JAZF1: variants seen among roughly 807,000 people sequenced by gnomAD.
JAZF1 encodes juxtaposed with another zinc finger protein 1.
A neutral mutation model predicts 26.4 loss-of-function variants in JAZF1; 8 were observed. The ratio of observed to expected loss-of-function variants is 0.30; its 90% CI spans 0.18 to 0.55. The LOEUF (loss-of-function observed/expected upper bound fraction) is 0.55, where lower values mean the gene tolerates loss of function less well. Among genes scored for constraint, JAZF1 ranks in the 20% least tolerant of loss-of-function variants. JAZF1 has a pLI of 0.94. For missense variants in JAZF1, 199 were observed against 322.0 expected, an observed-to-expected ratio of 0.62 and a Z score of 2.92; for synonymous variants, 126 against 122.3, an observed-to-expected ratio of 1.03 and a Z score of -0.20.
intron 1 of JAZF1, among the ~76,000 whole-genome samples, chr7:28,166,785 G>C (rs1783375352): frequency 6.6e-6 from 1 of 152,146 alleles, no homozygotes; most frequent in Non-Finnish European, 1.5e-5. Context: ...TTTGTGTGTG[G>C]AATGTTTTAA....
rs1371127756 is a variant in JAZF1 at position 28,035,417 on chromosome 7, T to A, written c.116-43436A>T. Among the ~76,000 whole-genome samples, 5 of 143,382 alleles carry A rather than the reference T, an allele frequency of 3.5e-5. No individual in the cohort carries two copies. In the East Asian group the frequency reaches 1.0e-3, roughly 29 times the overall value. 94.1% of individuals were successfully genotyped at this position (143,382 alleles called of 152,430 possible). On this transcript the variant is annotated intron_variant, in intron 1 of 4. Coordinates refer to ENST00000283928, the MANE Select transcript of JAZF1 (RefSeq NM_175061.4). ...CAGTGTGGCATTAATCTCAAGTAAG[T>A]AAAAAAAACAGGAAAAGAATGAGAA... is the stretch of plus-strand genomic sequence containing the variant.
chr7:27,999,925 C>T (rs1344588010), intron 1 of JAZF1, among the ~76,000 whole-genome samples: 1 of 152,114 alleles, frequency 6.6e-6, no homozygotes, highest in African/African-American at 2.4e-5. Flanking sequence ...GTTCAGAGGG[C>T]TATAAAATGA....
intron 1 of JAZF1, among the ~76,000 whole-genome samples, chr7:28,113,689 G>A (rs1784698042): frequency 6.6e-6 from 1 of 152,190 alleles, no homozygotes; most frequent in Admixed American, 6.5e-5. Flanking sequence ...AAGATGTGAA[G>A]TAGCTTGCGA....
chr7:28,014,427 C>A (rs562076198), intron 1 of JAZF1, among the ~76,000 whole-genome samples: 1 of 152,112 alleles, frequency 6.6e-6, no homozygotes, highest in Non-Finnish European at 1.5e-5. Context: ...TGTTGTGGGA[C>A]GGACCTGGTG....
At chr7:27,923,818 T>C (rs10951187) in intron 2 of JAZF1, among the ~76,000 whole-genome samples, 145,475 of 152,284 alleles carry the variant, frequency 0.96, 69,580 homozygotes, top group East Asian at 1. Flanking sequence ...CTGAGAAAGG[T>C]CTGAACCAAT....
At chr7:27,986,646 CCCCTCT>C (rs766653989) in intron 2 of JAZF1, among the ~76,000 whole-genome samples, 5 of 87,168 alleles carry the variant, frequency 5.7e-5, no homozygotes, top group African/African-American at 1.2e-4. Flanking sequence ...CCTCCCCCTC[CCCCTCT>C]CCCTCCCTCT....
intron 2 of JAZF1, among the ~76,000 whole-genome samples, chr7:27,898,219 T>A (rs1399582060): frequency 6.7e-6 from 1 of 149,762 alleles, no homozygotes; most frequent in East Asian, 2.0e-4. Flanking sequence ...AGGGTGCATA[T>A]CCAGTGTAAG....
intron 1 of JAZF1, among the ~76,000 whole-genome samples, chr7:28,049,089 CTCTT>C (rs56247770): frequency 4.8e-5 from 6 of 126,098 alleles, no homozygotes; most frequent in East Asian, 3.3e-4. Flanking sequence ...CTCTCTCTCT[CTCTT>C]TCTTTCTTTG....
chr7:27,987,778 T>C (rs539417661), intron 2 of JAZF1, among the ~76,000 whole-genome samples: 46 of 152,348 alleles, frequency 3.0e-4, no homozygotes, highest in African/African-American at 1.0e-3. Context: ...GAAAGAGAGA[T>C]CAGATTGTTA....
In JAZF1 at chr7:28,041,130, T is replaced by C. The variant is rs75770030; in HGVS notation, c.116-49149A>G. Among the ~76,000 whole-genome samples, 913 of 152,254 alleles carry C rather than the reference T, an allele frequency of 6.0e-3. 10 individuals are homozygous for C. The highest frequency in any genetic ancestry group is 0.021 in the African/African-American group (890 of 41,532). On this transcript the variant is annotated intron_variant, in intron 1 of 4. Coordinates refer to ENST00000283928, the MANE Select transcript of JAZF1 (RefSeq NM_175061.4). ...AAATGTGTGTAATCAGAGAGAGTATTTGGAGAACGTAAGAGCAAAAGGCTT... is the reference window on the plus strand; with the variant it reads ...AAATGTGTGTAATCAGAGAGAGTATCTGGAGAACGTAAGAGCAAAAGGCTT...
chr7:28,118,283 G>C (rs1009770936), intron 1 of JAZF1: 1 of 152,140 alleles, frequency 6.6e-6, no homozygotes, highest in East Asian at 1.9e-4. Context: ...TTGGGAGGCC[G>C]AGGCGGGTGG....
chr7:28,147,686 A>C (rs1477217763), intron 1 of JAZF1, among the ~76,000 whole-genome samples: 2 of 94,488 alleles, frequency 2.1e-5, no homozygotes, highest in Non-Finnish European at 3.9e-5. Flanking sequence ...CATCTCTACC[A>C]AAAAAAAAAA....
intron 1 of JAZF1, among the ~76,000 whole-genome samples, chr7:28,150,704 G>C (rs1414357778): frequency 5.3e-5 from 8 of 152,200 alleles, no homozygotes; most frequent in African/African-American, 1.4e-4. Context: ...ACATTAGGAA[G>C]CACTCAGGTG....
In JAZF1 at chr7:27,831,498, A is replaced by T. The variant is rs1782699042; in HGVS notation, c.*1302T>A. The T allele has an allele frequency of 4.4e-6, 1 of 229,122 alleles. No homozygotes were observed. Among genetic ancestry groups the T allele is most frequent in the Non-Finnish European group, 8.7e-6 (1 of 115,234 alleles). The allele number at this position is 229,122 out of a possible 1,614,324, so 14.2% of individuals were successfully genotyped here. ...AGGCATGATGGTACTGTCGGTGAGG[A>T]AAAACTTAAGGAATGGTCCAGATGT... On this transcript the variant is annotated 3_prime_UTR_variant, in exon 5 of 5. Transcript: ENST00000283928.
intron 4 of JAZF1, among the ~76,000 whole-genome samples, chr7:27,835,813 G>A (rs1055979626): frequency 6.6e-6 from 1 of 152,002 alleles, no homozygotes. Context: ...TGATCTTTCA[G>A]AAATATTAGT....
chr7:28,024,605 A>G (rs1783062203), intron 1 of JAZF1, among the ~76,000 whole-genome samples: 1 of 152,160 alleles, frequency 6.6e-6, no homozygotes, highest in Non-Finnish European at 1.5e-5. Flanking sequence ...TAGCCAAAGG[A>G]CCCTGAATGG....
chr7:28,167,734 T>C (rs1783391027), intron 1 of JAZF1, among the ~76,000 whole-genome samples: 2 of 152,232 alleles, frequency 1.3e-5, no homozygotes, highest in African/African-American at 4.8e-5. Flanking sequence ...CTGATAATAA[T>C]CTTAATACAC....
At chr7:28,062,933 C>T (rs978923971) in intron 1 of JAZF1, among the ~76,000 whole-genome samples, 1 of 152,208 alleles carries the variant, frequency 6.6e-6, no homozygotes, top group Non-Finnish European at 1.5e-5. Flanking sequence ...ACACCACTTA[C>T]TCTATCCATT....
chr7:28,064,114 T>A (rs1220191309), intron 1 of JAZF1, among the ~76,000 whole-genome samples: 1 of 151,982 alleles, frequency 6.6e-6, no homozygotes, highest in Non-Finnish European at 1.5e-5. Flanking sequence ...AATTATAATT[T>A]AAAAAATATA....
Sources: gnomAD v4.1 joint callset for allele counts (sites outside exome capture counted in the v4.1 genomes callset) on GRCh38, gnomAD v4.1.1 for gene constraint, MANE v1.5 for transcripts, NCBI Gene and HGNC (gene_info 2026-07-23, HGNC 2026-07-21) for gene names.